The following KCNU1 variants were observed in gnomAD, a reference collection of about 807,000 sequenced individuals.
The protein encoded by KCNU1 is potassium channel subfamily U member 1.
In KCNU1, 93 loss-of-function variants were observed where a neutral mutation model predicts 126.8. That is an observed-to-expected ratio of 0.73 (90% CI 0.62 to 0.87). The LOEUF is 0.87. Ranked by LOEUF, KCNU1 falls within the 40% of genes least tolerant of loss-of-function variation. The pLI, the probability that KCNU1 is intolerant of heterozygous loss-of-function variation, is 0.00. For missense variants in KCNU1, 1,330 were observed against 1,367.1 expected (o/e 0.97, Z 0.43); for synonymous variants, 523 against 494.2 (o/e 1.06, Z -0.77).
chr8:36,830,455 T>C (rs1292286669), intron 10 of KCNU1, among the ~76,000 whole-genome samples: 2 of 152,062 alleles, frequency 1.3e-5, no homozygotes, highest in Admixed American at 1.3e-4. Flanking sequence ...TCTGAGGTGA[T>C]TATATAAGTG....
intron 2 of KCNU1, among the ~76,000 whole-genome samples, chr8:36,790,685 C>G (rs1273954136): frequency 1.3e-5 from 2 of 151,922 alleles, no homozygotes; most frequent in Non-Finnish European, 2.9e-5. Context: ...GTCAAAGACC[C>G]ATAATCATCT....
intron 10 of KCNU1, among the ~76,000 whole-genome samples, chr8:36,822,048 C>A (rs1463794779): frequency 6.6e-6 from 1 of 152,068 alleles, no homozygotes; most frequent in Non-Finnish European, 1.5e-5. Flanking sequence ...GCTCCTCCTA[C>A]CAAAAGTGGA....
intron 19 of KCNU1, among the ~76,000 whole-genome samples, chr8:36,905,101 T>G (rs1807571552): frequency 6.6e-6 from 1 of 152,116 alleles, no homozygotes; most frequent in Non-Finnish European, 1.5e-5. Context: ...GAAACAAGCT[T>G]GTGTCTAACT....
chr8:36,842,912 C>T (rs1805009637), intron 16 of KCNU1, among the ~76,000 whole-genome samples: 1 of 152,162 alleles, frequency 6.6e-6, no homozygotes, highest in African/African-American at 2.4e-5. Context: ...GATCCACCCA[C>T]CTCGGCTTCC....
chr8:36,854,210 T>G (rs1805450880), intron 18 of KCNU1, among the ~76,000 whole-genome samples: 3 of 152,296 alleles, frequency 2.0e-5, no homozygotes, highest in Admixed American at 1.3e-4. Flanking sequence ...CTCTTTAAAT[T>G]TATCCTACTA....
chr8:36,854,610 G>A (rs1805467671), intron 18 of KCNU1, among the ~76,000 whole-genome samples: 1 of 151,700 alleles, frequency 6.6e-6, no homozygotes, highest in African/African-American at 2.4e-5. Context: ...TATTTTGTGA[G>A]ACATCATTCT....
chr8:36,829,486 A>G lies in KCNU1; in HGVS notation c.1107-4068A>G, dbSNP rs1048633658. ...AGAGTGACAATTTGTATAATTTTCT[A>G]TTACTGCATTAATACTACAGTCTTT... On this transcript the variant is annotated intron_variant, in intron 10 of 26. Coordinates refer to ENST00000399881, the MANE Select transcript of KCNU1 (RefSeq NM_001031836.3). Among the ~76,000 whole-genome samples the G allele has an allele frequency of 3.0e-4, 45 of 151,880 alleles. 1 individual carries two copies. The highest frequency in any genetic ancestry group is 1.0e-3 in the African/African-American group (43 of 41,530).
At chr8:36,923,464 A>G (rs1463023611) in intron 24 of KCNU1, among the ~76,000 whole-genome samples, 1 of 152,204 alleles carries the variant, frequency 6.6e-6, no homozygotes, top group Non-Finnish European at 1.5e-5. Flanking sequence ...TTGAGAAGGC[A>G]GCATGTGACC....
chr8:36,893,135 T>TG (rs1807038512), intron 19 of KCNU1, among the ~76,000 whole-genome samples: 2 of 117,328 alleles, frequency 1.7e-5, no homozygotes, highest in African/African-American at 6.2e-5. Flanking sequence ...CTACTTTTTG[T>TG]TTTTTTTTGT....
Position 36,887,915 on chromosome 8 carries a change from A to G in KCNU1, c.2010-17793A>G, listed in dbSNP as rs183403636. On this transcript the variant is annotated intron_variant, in intron 19 of 26. Transcript: ENST00000399881. Reference sequence around the variant, plus strand: ...TCAGTCTTATAATCTCTATTTTAACATTAATACTAGTCAGTAGTTATGTTG... The same window carrying G: ...TCAGTCTTATAATCTCTATTTTAACGTTAATACTAGTCAGTAGTTATGTTG... Among the ~76,000 whole-genome samples, 388 of 152,230 alleles carry G rather than the reference A, an allele frequency of 2.5e-3. 2 individuals are homozygous for G. The highest frequency in any genetic ancestry group is 9.1e-3 in the African/African-American group (377 of 41,536).
intron 3 of KCNU1, among the ~76,000 whole-genome samples, chr8:36,804,755 T>C (rs1803435099): frequency 1.3e-5 from 2 of 152,198 alleles, no homozygotes; most frequent in Non-Finnish European, 2.9e-5. Flanking sequence ...CTTTGCATTG[T>C]GAATTCCTAA....
chr8:36,905,633 T>G, intron 19 of KCNU1, 75 bp from the exon 20 acceptor site: 1 of 819,648 alleles, frequency 1.2e-6, no homozygotes, highest in Non-Finnish European at 2.2e-6. Flanking sequence ...AAGGCTCTAA[T>G]GAGTTTTACA....
At chr8:36,817,553 T>G in intron 9 of KCNU1, 97 bp from the exon 10 acceptor site, 1 of 614,188 alleles carries the variant, frequency 1.6e-6, no homozygotes, top group Non-Finnish European at 2.9e-6. Flanking sequence ...CCATATTTAT[T>G]GGAAACTAAG....
chr8:36,894,925 A>G (rs1807125114), intron 19 of KCNU1, among the ~76,000 whole-genome samples: 1 of 152,126 alleles, frequency 6.6e-6, no homozygotes, highest in Non-Finnish European at 1.5e-5. Context: ...ATATTAATTT[A>G]TCATGAGTTA....
intron 19 of KCNU1, among the ~76,000 whole-genome samples, chr8:36,886,631 C>G (rs968103850): frequency 1.4e-4 from 21 of 152,174 alleles, no homozygotes; most frequent in African/African-American, 5.1e-4. Flanking sequence ...CCATGTTTAC[C>G]TTGGGGTGGA....
Position 36,911,131 on chromosome 8 carries a change from AC to A in KCNU1, c.2521+16del. Reference sequence around the variant, plus strand: ...ACCCTCAGTGTCAGGTGAGAACAGCACCCCTGAAAAGAAGAAACTAGGACGT... The same window carrying A: ...ACCCTCAGTGTCAGGTGAGAACAGCACCCTGAAAAGAAGAAACTAGGACGT... On this transcript the variant is annotated intron_variant, in intron 22 of 26. Transcript: ENST00000399881. 2 of 1,581,298 alleles carry A rather than the reference AC, an allele frequency of 1.3e-6. No homozygotes were observed.
chr8:36,867,524 C>T (rs1805955019), intron 19 of KCNU1, among the ~76,000 whole-genome samples: 1 of 152,110 alleles, frequency 6.6e-6, no homozygotes, highest in African/African-American at 2.4e-5. Flanking sequence ...ATGATTCAAA[C>T]TTGAAAATTG....
At chr8:36,926,986 G>T (rs773880599) in intron 24 of KCNU1, among the ~76,000 whole-genome samples, 12 of 151,994 alleles carry the variant, frequency 7.9e-5, no homozygotes, top group Non-Finnish European at 1.5e-4. Context: ...ATTTTCAACT[G>T]GATATTAAGG....
At chr8:36,833,421 ATTAAC>A in intron 10 of KCNU1, 128 bp from the exon 11 acceptor site, 1 of 492,012 alleles carries the variant, frequency 2.0e-6, no homozygotes, top group East Asian at 3.2e-5. Context: ...AAAAAATAGT[ATTAAC>A]TTGATTTGTA....
Sources: allele counts gnomAD v4.1 joint callset (sites outside exome capture counted in the v4.1 genomes callset), GRCh38; gene constraint gnomAD v4.1.1; transcripts MANE v1.5; gene names NCBI Gene and HGNC (gene_info 2026-07-23, HGNC 2026-07-21).